The following SCCPDH variants were observed in gnomAD, a reference collection of about 807,000 sequenced individuals.
SCCPDH encodes saccharopine dehydrogenase-like oxidoreductase.
In SCCPDH, 34 loss-of-function variants were observed where a neutral mutation model predicts 51.5. The observed-to-expected ratio is 0.66, with a 90% CI of 0.50 to 0.88. SCCPDH has a LOEUF of 0.88. Ranked by LOEUF, SCCPDH falls within the 40% of genes least tolerant of loss-of-function variation. The probability of loss-of-function intolerance (pLI) is 0.00; values close to 1 mark genes in which losing one functional copy is unlikely to be tolerated. For synonymous variants in SCCPDH, 187 were observed against 191.3 expected (o/e 0.98, Z 0.19); for missense variants, 464 against 527.1 (o/e 0.88, Z 1.17).
chr1:246,745,704 C>T lies in SCCPDH; in HGVS notation c.564+1579C>T, dbSNP rs371628181. On this transcript the variant is annotated intron_variant, in intron 5 of 11. Transcript: ENST00000366510. ...CATCTCGATTGTGGGTTCAGATTAA[C>T]GTAAAGAGGTATGTAAAATATGCTA... Among the ~76,000 whole-genome samples, 18 of 152,198 alleles carry T rather than the reference C, an allele frequency of 1.2e-4. No individual in the cohort carries two copies. The East Asian group carries it at 1.7e-3, about 15-fold the overall frequency.
intron 3 of SCCPDH, 78 bp from the exon 4 acceptor site, chr1:246,740,093 GT>G: frequency 5.9e-6 from 7 of 1,181,588 alleles, no homozygotes; most frequent in Non-Finnish European, 8.2e-6. Context: ...TGGTTGCTTT[GT>G]TTTTAAAGAT....
chr1:246,746,260 GTGAT>G (rs1486026176), intron 5 of SCCPDH, among the ~76,000 whole-genome samples: 1 of 152,020 alleles, frequency 6.6e-6, no homozygotes, highest in Non-Finnish European at 1.5e-5. Flanking sequence ...TGAGAGGATC[GTGAT>G]TGATTGAGCA....
chr1:246,747,124 C>T (rs936623298), intron 5 of SCCPDH, among the ~76,000 whole-genome samples: 4 of 152,106 alleles, frequency 2.6e-5, no homozygotes, highest in African/African-American at 9.7e-5. Context: ...TGATACTGTC[C>T]GAACTCTTTT....
At chr1:246,750,801 T>C (rs151138945) in intron 5 of SCCPDH, among the ~76,000 whole-genome samples, 3,241 of 152,370 alleles carry the variant, frequency 0.021, 130 homozygotes, top group African/African-American at 0.074. Flanking sequence ...ATTGGAGGCA[T>C]CTCTGTGTAA....
At chr1:246,761,745 G>A (rs1280941714) in intron 9 of SCCPDH, among the ~76,000 whole-genome samples, 1 of 152,236 alleles carries the variant, frequency 6.6e-6, no homozygotes, top group African/African-American at 2.4e-5. Context: ...AAGGGTGAAT[G>A]ATTGTCTGTT....
chr1:246,727,875 A>G (rs1668426077), intron 2 of SCCPDH, among the ~76,000 whole-genome samples: 1 of 152,108 alleles, frequency 6.6e-6, no homozygotes, highest in Non-Finnish European at 1.5e-5. Context: ...CTTACGGGCC[A>G]TGGCCAGGAT....
At chr1:246,726,074 G>C (rs1289482940) in intron 1 of SCCPDH, among the ~76,000 whole-genome samples, 1 of 151,814 alleles carries the variant, frequency 6.6e-6, no homozygotes, top group East Asian at 1.9e-4. Context: ...AGTGAGGATG[G>C]TCTCGATCTG....
In SCCPDH at chr1:246,746,531, C is replaced by G. The variant is rs903889706; in HGVS notation, c.564+2406C>G. ...GGCATAAGACAATATTAGGGGTGGT[C>G]TCCTCCCTTATAAGAATAAAAAGAA... On this transcript the variant is annotated intron_variant, in intron 5 of 11. Coordinates refer to ENST00000366510, the MANE Select transcript of SCCPDH (RefSeq NM_016002.3). Among the ~76,000 whole-genome samples, 26 of 152,138 alleles carry G rather than the reference C, an allele frequency of 1.7e-4. 1 individual carries two copies. Among genetic ancestry groups the G allele is most frequent in the African/African-American group, 5.8e-4 (24 of 41,428 alleles).
chr1:246,733,337 T>C (rs1018013244), intron 2 of SCCPDH, among the ~76,000 whole-genome samples: 1 of 152,068 alleles, frequency 6.6e-6, no homozygotes, highest in Non-Finnish European at 1.5e-5. Context: ...TTCACTCACC[T>C]TGGCCTCCCA....
intron 9 of SCCPDH, among the ~76,000 whole-genome samples, chr1:246,761,002 C>G (rs544492035): frequency 6.6e-6 from 1 of 152,188 alleles, no homozygotes; most frequent in Non-Finnish European, 1.5e-5. Context: ...TTTGTATCCC[C>G]TCAAATTCCT....
chr1:246,743,753 A>G (rs1668715153), intron 4 of SCCPDH, among the ~76,000 whole-genome samples: 1 of 152,152 alleles, frequency 6.6e-6, no homozygotes, highest in African/African-American at 2.4e-5. Flanking sequence ...TCTTACTGTC[A>G]TCAGTTTTTA....
At chr1:246,740,415 G>GGTAATATTAAA (rs1410643426) in intron 4 of SCCPDH, 114 bp downstream of exon 4, 1 of 855,062 alleles carries the variant, frequency 1.2e-6, no homozygotes, top group Non-Finnish European at 1.8e-6. Context: ...GCCATAAATG[G>GGTAATATTAAA]GTAATATTAA....
In SCCPDH at chr1:246,760,235, C is replaced by T; in HGVS notation, c.990+8C>T. On this transcript the variant is annotated splice_region_variant and intron_variant, in intron 9 of 11. Coordinates refer to ENST00000366510, the MANE Select transcript of SCCPDH (RefSeq NM_016002.3). ...GGCCCAACACAAAAACAGGTAATTTCTTTTGTATTAAGACACTAAAATAAT... is the reference window on the plus strand; with the variant it reads ...GGCCCAACACAAAAACAGGTAATTTTTTTTGTATTAAGACACTAAAATAAT... 1 of 1,603,194 alleles carries T rather than the reference C, an allele frequency of 6.2e-7. No individual in the cohort carries two copies. The highest frequency in any genetic ancestry group is 8.5e-7 in the Non-Finnish European group (1 of 1,173,978).
At chr1:246,726,234 G>A (rs1331558570) in intron 1 of SCCPDH, among the ~76,000 whole-genome samples, 1 of 152,082 alleles carries the variant, frequency 6.6e-6, no homozygotes, top group Non-Finnish European at 1.5e-5. Flanking sequence ...TTTAGTGGTT[G>A]ATGAGAAACT....
intron 3 of SCCPDH, 95 bp downstream of exon 3, chr1:246,736,150 A>T: frequency 5.1e-6 from 4 of 778,112 alleles, no homozygotes; most frequent in Non-Finnish European, 8.6e-6. Context: ...ACATATTTAG[A>T]AGCCGACAAC....
intron 2 of SCCPDH, among the ~76,000 whole-genome samples, chr1:246,734,217 C>G (rs901951005): frequency 6.6e-6 from 1 of 152,056 alleles, no homozygotes; most frequent in Non-Finnish European, 1.5e-5. Flanking sequence ...AGAACAAGGC[C>G]GAGAAAGCTC....
chr1:246,743,184 T>G (rs2102984677), intron 4 of SCCPDH, among the ~76,000 whole-genome samples: 1 of 152,028 alleles, frequency 6.6e-6, no homozygotes, highest in South Asian at 2.1e-4. Flanking sequence ...ACTGCAGCCT[T>G]GAACTCCTGG....
intron 3 of SCCPDH, among the ~76,000 whole-genome samples, chr1:246,736,525 C>T (rs1476007385): frequency 6.6e-6 from 1 of 151,984 alleles, no homozygotes; most frequent in Non-Finnish European, 1.5e-5. Flanking sequence ...CACGGTGAAA[C>T]CCCATGTCTA....
At chr1:246,727,488 A>G (rs1366478813) in intron 2 of SCCPDH, among the ~76,000 whole-genome samples, 1 of 152,228 alleles carries the variant, frequency 6.6e-6, no homozygotes, top group African/African-American at 2.4e-5. Context: ...GGTGAACAAA[A>G]CAGAAAATCC....
Sources: allele counts gnomAD v4.1 joint callset (sites outside exome capture counted in the v4.1 genomes callset), GRCh38; gene constraint gnomAD v4.1.1; transcripts MANE v1.5; gene names NCBI Gene and HGNC (gene_info 2026-07-23, HGNC 2026-07-21).